Variants in MED8 observed in about 807,000 individuals in gnomAD.
MED8 encodes the protein mediator complex subunit 8.
Under a neutral mutation model 34.8 loss-of-function variants are expected in MED8, and 22 were observed. The ratio of observed to expected loss-of-function variants is 0.63; its 90% CI spans 0.45 to 0.90. The LOEUF is 0.90. Among genes scored for constraint, MED8 ranks in the 40% least tolerant of loss-of-function variants. MED8 has a pLI of 0.00. For synonymous variants in MED8, 105 were observed against 120.2 expected, an observed-to-expected ratio of 0.87 and a Z score of 0.83; for missense variants, 260 against 326.3, an observed-to-expected ratio of 0.80 and a Z score of 1.57.
intron 2 of MED8, 66 bp downstream of exon 2, chr1:43,388,244 C>T: frequency 6.9e-7 from 1 of 1,439,564 alleles, no homozygotes; most frequent in Non-Finnish European, 9.6e-7. Context: ...TAGAAATGTC[C>T]TATTCATCAG....
Position 43,384,800 on chromosome 1 carries a change from T to C in MED8, c.*242A>G, listed in dbSNP as rs1647671034. 2.1e-6 allele frequency: 3 copies of C among 1,402,676 alleles called. No individual in the cohort carries two copies. The highest frequency in any genetic ancestry group is 2.8e-6 in the Non-Finnish European group (3 of 1,075,458). The allele number at this position is 1,402,676 out of a possible 1,614,324, so 86.9% of individuals were successfully genotyped here. A position where few individuals can be genotyped will look rare whatever the true frequency, so the allele number is the denominator to read the frequency against. On this transcript the variant is annotated 3_prime_UTR_variant, in exon 7 of 7. Coordinates refer to ENST00000372457, the MANE Select transcript of MED8 (RefSeq NM_201542.5). ...AGTGCTTTACATTCATTTCCTCATT[T>C]TAATCCTCACAACAACCCTATGAGG...
At chr1:43,387,756 G>T in intron 2 of MED8, 109 bp from the exon 3 acceptor site, 1 of 1,271,316 alleles carries the variant, frequency 7.9e-7, no homozygotes, top group Non-Finnish European at 1.1e-6. Flanking sequence ...ACCTCCAAAA[G>T]TCTCATAGCC....
chr1:43,385,090 T>G lies in MED8; in HGVS notation c.759A>C (p.Gly253=). Residue 253 remains glycine (G), a synonymous_variant, in exon 7 of 7, where the codon GGA becomes GGC. Transcript: ENST00000372457. The part of the protein sequence containing the change: ...QAGQPGKMPS[G]IKTNIKSASM... ...AAGCCGACTTGATGTTGGTTTTTATTCCACTTGGCATTTTCCCTGAAAGGA... is the reference window on the plus strand; with the variant it reads ...AAGCCGACTTGATGTTGGTTTTTATGCCACTTGGCATTTTCCCTGAAAGGA... The G allele has an allele frequency of 6.4e-7, 1 of 1,555,724 alleles. No individual in the cohort carries two copies. Among genetic ancestry groups the G allele is most frequent in the Non-Finnish European group, 8.7e-7 (1 of 1,148,908 alleles).
chr1:43,386,675 AAC>A lies in MED8; in HGVS notation c.412-7_412-6del, dbSNP rs765756761. On this transcript the variant is annotated splice_region_variant and splice_polypyrimidine_tract_variant and intron_variant, in intron 4 of 6. Transcript: ENST00000372457. This position sits in a 1 kb window ranked among gnomAD's most constrained non-coding sequence, Gnocchi z 4.9. Reference sequence around the variant, plus strand: ...ATTCAAGCTCTGGATCTGCTTCTGTAACACACAAATTTGTGCAGAGATTAGGG... The same window carrying A: ...ATTCAAGCTCTGGATCTGCTTCTGTAACACAAATTTGTGCAGAGATTAGGG... 13 of 1,608,146 alleles carry A rather than the reference AAC, an allele frequency of 8.1e-6. No homozygotes were observed. In the African/African-American group the frequency reaches 9.3e-5, roughly 12 times the overall value.
chr1:43,384,385 G>A lies in MED8; in HGVS notation c.*657C>T, dbSNP rs1647650540. On this transcript the variant is annotated 3_prime_UTR_variant, in exon 7 of 7. Coordinates refer to ENST00000372457, the MANE Select transcript of MED8 (RefSeq NM_201542.5). ...TGGGGTAAAGGATAGGGGACTTTATGACTATTTGACAGGTAAAAGCCAAGT... is the reference window on the plus strand; with the variant it reads ...TGGGGTAAAGGATAGGGGACTTTATAACTATTTGACAGGTAAAAGCCAAGT... 2 of 1,523,990 alleles carry A rather than the reference G, an allele frequency of 1.3e-6. No homozygotes were observed. The highest frequency in any genetic ancestry group is 1.4e-5 in the African/African-American group (1 of 71,326). The allele number at this position is 1,523,990 out of a possible 1,614,324, so 94.4% of individuals were successfully genotyped here.
intron 2 of MED8, 35 bp from the exon 3 acceptor site, chr1:43,387,682 C>G (rs1647782240): frequency 6.2e-7 from 1 of 1,610,974 alleles, no homozygotes; most frequent in African/African-American, 1.3e-5. Flanking sequence ...AATGTTGTAC[C>G]CCTTCCCTGG....
At position 43,386,383 on chromosome 1, in the gene MED8, C is replaced by G; in HGVS notation, c.494-157G>C. ...GAAAAAGAGCCAGAGGACCCCCAAGCCTATCTCAGAATTCTCTCTTCTTAC... is the reference window on the plus strand; with the variant it reads ...GAAAAAGAGCCAGAGGACCCCCAAGGCTATCTCAGAATTCTCTCTTCTTAC... On this transcript the variant is annotated intron_variant, in intron 5 of 6. Coordinates refer to ENST00000372457, the MANE Select transcript of MED8 (RefSeq NM_201542.5). This position sits in a 1 kb window ranked among gnomAD's most constrained non-coding sequence, Gnocchi z 4.9. The G allele has an allele frequency of 9.1e-7, 1 of 1,096,042 alleles. No individual in the cohort carries two copies. The allele number at this position is 1,096,042 out of a possible 1,614,324, so 67.9% of individuals were successfully genotyped here.
At chr1:43,388,064 C>A (rs1345586558) in intron 2 of MED8, among the ~76,000 whole-genome samples, 1 of 152,136 alleles carries the variant, frequency 6.6e-6, no homozygotes, top group Admixed American at 6.5e-5. Context: ...AGTGGGAGGA[C>A]CTCCTCACCA....
At position 43,386,791 on chromosome 1, in the gene MED8, G is replaced by A. The variant is rs890903313; in HGVS notation, c.411+67C>T. The A allele has an allele frequency of 1.2e-6, 2 of 1,608,566 alleles. No homozygotes were observed. Among genetic ancestry groups the A allele is most frequent in the South Asian group, 2.2e-5 (2 of 90,370 alleles). On this transcript the variant is annotated intron_variant, in intron 4 of 6. Coordinates refer to ENST00000372457, the MANE Select transcript of MED8 (RefSeq NM_201542.5). This position sits in a 1 kb window ranked among gnomAD's most constrained non-coding sequence, Gnocchi z 4.9. ...CCAACTATGTATCCCTACTAGACAGGAATGGTAATGCCTAGCTTCTCATGA... is the reference window on the plus strand; with the variant it reads ...CCAACTATGTATCCCTACTAGACAGAAATGGTAATGCCTAGCTTCTCATGA...
chr1:43,386,619 T>C lies in MED8; in HGVS notation c.463A>G (p.Ser155Gly), dbSNP rs1426551563. Residue 155 changes from serine (S) to glycine (G), a missense_variant, in exon 5 of 7, where the codon AGC becomes GGC. By Grantham distance (56) the Ser-to-Gly change is moderately conservative. Coordinates refer to ENST00000372457, the MANE Select transcript of MED8 (RefSeq NM_201542.5). The surrounding 1 kb of genome is among the most constrained non-coding windows in gnomAD (Gnocchi z 4.9). The stretch of plus-strand genomic sequence containing the variant: ...CTCTCTGATTCTCGCTCCTCTTTGC[T>C]GATTTTCTCCAGAAGGTTTGAACAC... ...KMCSNLLEKISKEERESESGG... is the reference protein window; with the variant it reads ...KMCSNLLEKIGKEERESESGG... 1 of 1,612,396 alleles carries C rather than the reference T, an allele frequency of 6.2e-7. No individual in the cohort carries two copies. The highest frequency in any genetic ancestry group is 1.7e-5 in the Admixed American group (1 of 59,804).
Position 43,386,442 on chromosome 1 carries a change from C to CT in MED8, c.493+146dup. On this transcript the variant is annotated intron_variant, in intron 5 of 6. Transcript: ENST00000372457. The surrounding 1 kb of genome is among the most constrained non-coding windows in gnomAD (Gnocchi z 4.9). Reference sequence around the variant, plus strand: ...TTTCCTCCACTGCTTCAGTGCTGGCCTTAAATACAAAAGGCTAACAGAATG... The same window carrying CT: ...TTTCCTCCACTGCTTCAGTGCTGGCCTTTAAATACAAAAGGCTAACAGAATG... The CT allele has an allele frequency of 9.2e-7, 1 of 1,082,720 alleles. No individual in the cohort carries two copies. The highest frequency in any genetic ancestry group is 1.5e-5 in the South Asian group (1 of 64,742). The allele number at this position is 1,082,720 out of a possible 1,614,324, so 67.1% of individuals were successfully genotyped here.
At chr1:43,385,819 T>G in intron 6 of MED8, 159 bp downstream of exon 6, 21 of 1,164,826 alleles carry the variant, frequency 1.8e-5, no homozygotes, top group Non-Finnish European at 2.3e-5. Flanking sequence ...GAGTCTCAGA[T>G]GAGATTTTTT....
intron 6 of MED8, 115 bp from the exon 7 acceptor site, chr1:43,385,221 G>A (rs1027670464): frequency 3.0e-5 from 40 of 1,344,264 alleles, no homozygotes; most frequent in African/African-American, 5.9e-5. Context: ...GAACCTCTGC[G>A]GCATCTGACC....
rs757415935 is a variant in MED8, at chr1:43,388,356, C to G, written c.79G>C (p.Gly27Arg). The part of the protein sequence containing the change: ...SQVADLKNSL[G>R]SFICKLENEY... ...TTCTCCAACTTGCAAATGAAACTCC[C>G]CAGAGAGTTCTTCAGATCAGCCACT... The change falls in exon 2 of 7, where the codon GGG becomes CGG. Residue 27 changes from glycine to arginine, a missense_variant. Coordinates refer to ENST00000372457, the MANE Select transcript of MED8 (RefSeq NM_201542.5). 1 of 1,613,660 alleles carries G rather than the reference C, an allele frequency of 6.2e-7. No individual in the cohort carries two copies. The highest frequency in any genetic ancestry group is 1.1e-5 in the South Asian group (1 of 91,084).
At chr1:43,389,655 G>A in intron 1 of MED8, 104 bp downstream of exon 1, 2 of 1,506,204 alleles carry the variant, frequency 1.3e-6, no homozygotes, top group Admixed American at 4.1e-5. Context: ...CGTGGGTTCT[G>A]CCCTCTCTTC....
At chr1:43,388,491 T>G (rs1647858608) in intron 1 of MED8, 63 bp from the exon 2 acceptor site, 1 of 1,593,990 alleles carries the variant, frequency 6.3e-7, no homozygotes, top group East Asian at 2.2e-5. Flanking sequence ...AAAGGAGGGC[T>G]GGAAAGCCAA....
rs1647632838 is a variant in MED8, at chr1:43,383,993, G to A, written c.*1049C>T. On this transcript the variant is annotated 3_prime_UTR_variant, in exon 7 of 7. Coordinates refer to ENST00000372457, the MANE Select transcript of MED8 (RefSeq NM_201542.5). ...TCAACCCCTGCCCATGCCAACAAAG[G>A]AGTACTAAGAAAGGCAGGTTAGCCT... The A allele has an allele frequency of 6.5e-6, 1 of 154,734 alleles. No homozygotes were observed. The allele number at this position is 154,734 out of a possible 1,614,324, so 9.6% of individuals were successfully genotyped here.
In MED8 at chr1:43,384,722, G is replaced by T; in HGVS notation, c.*320C>A. 1 of 1,437,986 alleles carries T rather than the reference G, an allele frequency of 7.0e-7. No homozygotes were observed. Among genetic ancestry groups the T allele is most frequent in the South Asian group, 1.5e-5 (1 of 64,850 alleles). 89.1% of individuals were successfully genotyped at this position (1,437,986 alleles called of 1,614,324 possible). On this transcript the variant is annotated 3_prime_UTR_variant, in exon 7 of 7. Transcript: ENST00000372457. ...GACTGTGGAGGGTGGTGGGGAGAAG[G>T]ATCTGTAGAAACTATCATTTATTGA... is the stretch of plus-strand genomic sequence containing the variant.
rs1326551175 is a variant in MED8, at chr1:43,384,957, C to T, written c.*85G>A. 11 of 1,492,744 alleles carry T rather than the reference C, an allele frequency of 7.4e-6. No homozygotes were observed. Among genetic ancestry groups the T allele is most frequent in the African/African-American group, 7.1e-5 (5 of 70,582 alleles). 92.5% of individuals were successfully genotyped at this position (1,492,744 alleles called of 1,614,324 possible). A position where few individuals can be genotyped will look rare whatever the true frequency, so the allele number is the denominator to read the frequency against. On this transcript the variant is annotated 3_prime_UTR_variant, in exon 7 of 7. Coordinates refer to ENST00000372457, the MANE Select transcript of MED8 (RefSeq NM_201542.5). ...GAAAGCCCATGTTCTTTTTATTGTACCCATCTAGGTGAGCCTTGAGCAAAA... is the reference window on the plus strand; with the variant it reads ...GAAAGCCCATGTTCTTTTTATTGTATCCATCTAGGTGAGCCTTGAGCAAAA...
Sources: gnomAD v4.1 joint callset for allele counts (sites outside exome capture counted in the v4.1 genomes callset) on GRCh38, gnomAD v4.1.1 for gene constraint, Gnocchi (gnomAD v3.1) non-coding constraint, MANE v1.5 for transcripts, NCBI Gene and HGNC (gene_info 2026-07-23, HGNC 2026-07-21) for gene names.